The following CDH18 variants were observed in gnomAD, a reference collection of about 807,000 sequenced individuals.
CDH18 encodes cadherin-18.
Under a neutral mutation model 67.9 loss-of-function variants are expected in CDH18, and 31 were observed. That is an observed-to-expected ratio of 0.46 (90% confidence interval 0.34 to 0.62). CDH18 has a LOEUF of 0.62. CDH18 is among the 20% of genes least tolerant of loss of function. The probability of loss-of-function intolerance (pLI) is 0.01; values close to 1 mark genes in which losing one functional copy is unlikely to be tolerated. For synonymous variants in CDH18, 362 were observed against 347.2 expected, an observed-to-expected ratio of 1.04 and a Z score of -0.48; for missense variants, 890 against 975.5, an observed-to-expected ratio of 0.91 and a Z score of 1.17.
chr5:19,691,755 C>T (rs868372224), intron 5 of CDH18, among the ~76,000 whole-genome samples: 1 of 151,744 alleles, frequency 6.6e-6, no homozygotes, highest in South Asian at 2.1e-4. Context: ...TGACATCCCA[C>T]GCTCTTGGAA....
intron 2 of CDH18, among the ~76,000 whole-genome samples, chr5:19,840,624 C>A (rs1198553666): frequency 6.6e-6 from 1 of 152,120 alleles, no homozygotes; most frequent in African/African-American, 2.4e-5. Flanking sequence ...ATCGCTTGAA[C>A]CCAGGAGATG....
At chr5:20,512,372 A>C (rs1221030335) in intron 1 of CDH18, among the ~76,000 whole-genome samples, 1 of 152,126 alleles carries the variant, frequency 6.6e-6, no homozygotes, top group Non-Finnish European at 1.5e-5. Context: ...CATTTTGTTT[A>C]GGATTTTTAT....
intron 1 of CDH18, among the ~76,000 whole-genome samples, chr5:20,441,964 G>A (rs77569030): frequency 3.3e-5 from 5 of 151,962 alleles, no homozygotes; most frequent in South Asian, 4.2e-4. Flanking sequence ...AACAGAAATG[G>A]TCAGGCAAAA....
intron 5 of CDH18, among the ~76,000 whole-genome samples, chr5:19,638,046 A>C (rs959670304): frequency 3.9e-5 from 6 of 152,246 alleles, no homozygotes; most frequent in African/African-American, 1.4e-4. Context: ...CTAGAATGTA[A>C]GCCAGGTGTT....
intron 2 of CDH18, among the ~76,000 whole-genome samples, chr5:20,088,325 G>C (rs1745146474): frequency 1.3e-5 from 2 of 152,216 alleles, no homozygotes; most frequent in Admixed American, 1.3e-4. Context: ...AACTGACAAA[G>C]GGATTGGCCT....
intron 1 of CDH18, among the ~76,000 whole-genome samples, chr5:20,274,178 C>A (rs1010658563): frequency 6.6e-6 from 1 of 152,096 alleles, no homozygotes. Context: ...GAGAGCATGG[C>A]CTTGCTGACA....
chr5:20,046,849 A>G (rs933705616), intron 2 of CDH18, among the ~76,000 whole-genome samples: 1 of 151,766 alleles, frequency 6.6e-6, no homozygotes, highest in African/African-American at 2.4e-5. Flanking sequence ...TTTACTCAAA[A>G]AAGGTTGGGA....
intron 1 of CDH18, among the ~76,000 whole-genome samples, chr5:20,328,438 C>A (rs958795718): frequency 9.4e-5 from 14 of 149,212 alleles, no homozygotes. Flanking sequence ...ATGAAAGAAT[C>A]GGGTTGTGCT....
intron 8 of CDH18, among the ~76,000 whole-genome samples, chr5:19,562,013 C>T (rs2149890258): frequency 6.6e-6 from 1 of 152,252 alleles, no homozygotes; most frequent in African/African-American, 2.4e-5. Context: ...CTGTCTGTCT[C>T]TACTGGATTT....
chr5:20,295,541 A>G (rs899230380), intron 1 of CDH18, among the ~76,000 whole-genome samples: 1 of 152,082 alleles, frequency 6.6e-6, no homozygotes, highest in Non-Finnish European at 1.5e-5. Flanking sequence ...GTCCTGGCCA[A>G]TATGGTGAAA....
At chr5:19,875,403 G>C (rs1344496442) in intron 2 of CDH18, among the ~76,000 whole-genome samples, 1 of 140,930 alleles carries the variant, frequency 7.1e-6, no homozygotes, top group Non-Finnish European at 1.5e-5. Context: ...GGTATAGATA[G>C]ATAGATAGAT....
intron 1 of CDH18, among the ~76,000 whole-genome samples, chr5:20,290,787 G>A (rs1747047122): frequency 6.6e-6 from 1 of 152,118 alleles, no homozygotes; most frequent in African/African-American, 2.4e-5. Flanking sequence ...ATAGCAAATG[G>A]AAGAAGGAGG....
chr5:20,563,611 A>G (rs1472594474), intron 1 of CDH18, among the ~76,000 whole-genome samples: 1 of 152,130 alleles, frequency 6.6e-6, no homozygotes, highest in Admixed American at 6.6e-5. Context: ...GGTTTGTTAC[A>G]TATGTATACG....
chr5:20,280,002 T>TA (rs1746122212), intron 1 of CDH18, among the ~76,000 whole-genome samples: 1 of 151,800 alleles, frequency 6.6e-6, no homozygotes, highest in Non-Finnish European at 1.5e-5. Flanking sequence ...TCAAAAACAT[T>TA]GAAATTACAT....
At chr5:20,320,200 G>A (rs961361308) in intron 1 of CDH18, among the ~76,000 whole-genome samples, 2 of 151,932 alleles carry the variant, frequency 1.3e-5, no homozygotes, top group African/African-American at 4.8e-5. Flanking sequence ...GAATCTTTGA[G>A]ATATTATATT....
At chr5:19,485,436 T>A (rs562082270) in intron 11 of CDH18, among the ~76,000 whole-genome samples, 1 of 152,064 alleles carries the variant, frequency 6.6e-6, no homozygotes, top group South Asian at 2.1e-4. Context: ...TTTGTATTTT[T>A]AGTAGAGACG....
At chr5:19,717,891 A>T (rs1765531814) in intron 5 of CDH18, among the ~76,000 whole-genome samples, 1 of 152,034 alleles carries the variant, frequency 6.6e-6, no homozygotes, top group African/African-American at 2.4e-5. Flanking sequence ...AATGGTAGTT[A>T]ATGTTAAACC....
At chr5:19,576,446 A>T (rs775902693) in intron 7 of CDH18, among the ~76,000 whole-genome samples, 1 of 152,204 alleles carries the variant, frequency 6.6e-6, no homozygotes, top group Non-Finnish European at 1.5e-5. Flanking sequence ...CTTAATAGAT[A>T]TTTCTCAAAA....
intron 2 of CDH18, among the ~76,000 whole-genome samples, chr5:19,960,920 A>G (rs753498147): frequency 6.6e-6 from 1 of 150,964 alleles, no homozygotes; most frequent in Admixed American, 6.6e-5. Flanking sequence ...ATTTATTATC[A>G]TTATCAAGCA....
Sources: allele counts gnomAD v4.1 joint callset (sites outside exome capture counted in the v4.1 genomes callset), GRCh38; gene constraint gnomAD v4.1.1; transcripts MANE v1.5; gene names NCBI Gene and HGNC (gene_info 2026-07-23, HGNC 2026-07-21).